The following SRGAP1 variants were observed in gnomAD, a reference collection of about 807,000 sequenced individuals.
The protein encoded by SRGAP1 is SLIT-ROBO Rho GTPase activating protein 1, also known as SLIT-ROBO Rho GTPase-activating protein 1.
In SRGAP1, 43 loss-of-function variants were observed where a neutral mutation model predicts 121.9. The ratio of observed to expected loss-of-function variants is 0.35; its 90% CI spans 0.28 to 0.46. The LOEUF (loss-of-function observed/expected upper bound fraction) is 0.46. Among genes scored for constraint, SRGAP1 ranks in the 20% least tolerant of loss-of-function variants. SRGAP1 has a pLI of 1.00. For missense variants in SRGAP1, 1,102 were observed against 1,350.9 expected (o/e 0.82, Z 2.89); for synonymous variants, 447 against 485.4 (o/e 0.92, Z 1.04).
At chr12:64,001,297 C>G (rs1789916874) in intron 3 of SRGAP1, among the ~76,000 whole-genome samples, 1 of 152,202 alleles carries the variant, frequency 6.6e-6, no homozygotes, top group Non-Finnish European at 1.5e-5. Flanking sequence ...GAAGAGCAAT[C>G]TTAAATATGT....
At chr12:63,917,301 T>G (rs567999163) in intron 1 of SRGAP1, among the ~76,000 whole-genome samples, 24 of 152,264 alleles carry the variant, frequency 1.6e-4, no homozygotes, top group African/African-American at 5.5e-4. Context: ...TGGGCTGTCC[T>G]TTGGACCTGG....
intron 4 of SRGAP1, among the ~76,000 whole-genome samples, chr12:64,027,810 T>C (rs1345211686): frequency 2.6e-5 from 4 of 151,702 alleles, no homozygotes; most frequent in African/African-American, 7.3e-5. Context: ...ATTAGGGGCA[T>C]ACAATATACG....
At chr12:64,017,146 G>C (rs1005376547) in intron 4 of SRGAP1, 134 bp downstream of exon 4, 1 of 568,014 alleles carries the variant, frequency 1.8e-6, no homozygotes, top group Non-Finnish European at 3.1e-6. Flanking sequence ...ACAGGAACAA[G>C]GGATAGGTAT....
intron 1 of SRGAP1, among the ~76,000 whole-genome samples, chr12:63,938,511 C>T (rs1021080506): frequency 1.2e-4 from 18 of 152,136 alleles, no homozygotes; most frequent in African/African-American, 2.2e-4. Context: ...CCCATCCTTA[C>T]GGAAAGTGAA....
chr12:64,043,549 A>G lies in SRGAP1; in HGVS notation c.775A>G (p.Ile259Val). The G allele has an allele frequency of 6.2e-7, 1 of 1,609,104 alleles. No individual in the cohort carries two copies. ...CAATGCCTCAGTTTTCAAGTACTAT[A>G]TTCATGATCTTTCTGATTTAATTGA... is the stretch of plus-strand genomic sequence containing the variant. ...ATNASVFKYYIHDLSDLIDCC... is the reference protein window; with the variant it reads ...ATNASVFKYYVHDLSDLIDCC... Residue 259 changes from isoleucine to valine, a missense_variant, in exon 6 of 22, where the codon ATT becomes GTT. Physicochemically the swap from Ile to Val is conservative, Grantham distance 29. This residue lies in a region of SRGAP1 where 747 missense variants were observed against 929.4 expected (regional missense o/e 0.80). Coordinates refer to ENST00000355086, the MANE Select transcript of SRGAP1 (RefSeq NM_020762.4).
intron 17 of SRGAP1, among the ~76,000 whole-genome samples, chr12:64,114,879 A>C (rs1359125376): frequency 6.6e-6 from 1 of 152,180 alleles, no homozygotes. Flanking sequence ...TTTAAACAGG[A>C]AGTCAACAGT....
chr12:63,897,502 T>G (rs757693497), intron 1 of SRGAP1, among the ~76,000 whole-genome samples: 1 of 152,208 alleles, frequency 6.6e-6, no homozygotes, highest in Non-Finnish European at 1.5e-5. Flanking sequence ...GAAATTTGTG[T>G]ATAGTCTATG....
At chr12:63,997,958 A>C (rs2033760626) in intron 3 of SRGAP1, among the ~76,000 whole-genome samples, 1 of 152,092 alleles carries the variant, frequency 6.6e-6, no homozygotes, top group Non-Finnish European at 1.5e-5. Flanking sequence ...AACTAGAATA[A>C]TTATTTCGAC....
chr12:63,887,837 C>G (rs149737941), intron 1 of SRGAP1: 1 of 152,248 alleles, frequency 6.6e-6, no homozygotes, highest in Admixed American at 6.5e-5. Context: ...CATGGCTTAT[C>G]TTGTCTTTTG....
intron 1 of SRGAP1, among the ~76,000 whole-genome samples, chr12:63,872,790 T>A (rs923612270): frequency 6.6e-6 from 1 of 152,214 alleles, no homozygotes; most frequent in Admixed American, 6.5e-5. Context: ...CTTTTTGTGG[T>A]TTATATCCTG....
chr12:64,153,472 C>CA lies in SRGAP1; in HGVS notation c.*10816dup, dbSNP rs35631189. ...TGGGCGGCACAGTGAGACTCCATCT[C>CA]AAAAAAAAAAAAAAAAGTAAGGTAC... On this transcript the variant is annotated 3_prime_UTR_variant, in exon 22 of 22. Transcript: ENST00000355086. 9,497 of 86,658 alleles carry CA rather than the reference C, an allele frequency of 0.11. 1,070 individuals are homozygous for CA. Among genetic ancestry groups the CA allele is most frequent in the African/African-American group, 0.31 (8,709 of 28,056 alleles). The allele number at this position is 86,658 out of a possible 1,614,324, so 5.4% of individuals were successfully genotyped here.
intron 1 of SRGAP1, among the ~76,000 whole-genome samples, chr12:63,976,477 G>A (rs2033099087): frequency 6.6e-6 from 1 of 152,166 alleles, no homozygotes; most frequent in South Asian, 2.1e-4. Flanking sequence ...GGCTGTGAAA[G>A]TCGCCCCCTC....
At chr12:64,088,136 G>A (rs1330729976) in intron 11 of SRGAP1, among the ~76,000 whole-genome samples, 1 of 152,096 alleles carries the variant, frequency 6.6e-6, no homozygotes, top group African/African-American at 2.4e-5. Context: ...TGTTATTGCT[G>A]GGCAGCTTAT....
intron 1 of SRGAP1, among the ~76,000 whole-genome samples, chr12:63,958,643 G>A (rs2032545094): frequency 6.6e-6 from 1 of 152,162 alleles, no homozygotes; most frequent in Admixed American, 6.5e-5. Context: ...TTTGCAAATA[G>A]GAGGCTGGTT....
rs181302252 is a variant in SRGAP1 at position 64,077,645 on chromosome 12, C to G, written c.1126-1274C>G. On this transcript the variant is annotated intron_variant, in intron 8 of 21. Transcript: ENST00000355086. ...ATATGACCTTCAGTGAATAAAAAGA[C>G]TACTAGGAGATTAATAAATAAATAA... 1.0e-3 allele frequency among the ~76,000 whole-genome samples: 152 copies of G among 151,810 alleles called. 1 individual carries two copies. The highest frequency in any genetic ancestry group is 3.6e-3 in the African/African-American group (148 of 41,464).
chr12:63,987,636 C>T (rs540926730), intron 2 of SRGAP1, among the ~76,000 whole-genome samples: 3 of 152,206 alleles, frequency 2.0e-5, no homozygotes, highest in African/African-American at 7.2e-5. Flanking sequence ...CCAGGAGAAT[C>T]GCTTGAACCC....
intron 1 of SRGAP1, among the ~76,000 whole-genome samples, chr12:63,881,616 A>G (rs538658216): frequency 3.9e-5 from 6 of 152,358 alleles, no homozygotes; most frequent in Admixed American, 1.3e-4. Flanking sequence ...CTTAAATATG[A>G]TAATTCAGGT....
chr12:64,032,639 A>G (rs975499397), intron 4 of SRGAP1: 5 of 362,922 alleles, frequency 1.4e-5, no homozygotes, highest in African/African-American at 8.5e-5. Flanking sequence ...TAAATTCTGG[A>G]TGACGTGATT....
intron 7 of SRGAP1, among the ~76,000 whole-genome samples, chr12:64,063,423 G>A (rs1327620827): frequency 6.6e-6 from 1 of 152,136 alleles, no homozygotes; most frequent in Non-Finnish European, 1.5e-5. Context: ...TTAATTTAAT[G>A]AAAATGAAGG....
Sources: allele counts gnomAD v4.1 joint callset (sites outside exome capture counted in the v4.1 genomes callset), GRCh38; gene constraint gnomAD v4.1.1; regional missense constraint gnomAD v4.1.1; transcripts MANE v1.5; gene names NCBI Gene and HGNC (gene_info 2026-07-23, HGNC 2026-07-21).